Variants in LPAR3 observed in about 807,000 individuals in gnomAD.
The protein encoded by LPAR3 is LPA receptor 3.
A neutral mutation model predicts 17.8 loss-of-function variants in LPAR3; 7 were observed. The ratio of observed to expected loss-of-function variants is 0.39; its 90% CI spans 0.22 to 0.74. LPAR3 has a LOEUF of 0.74. Ranked by LOEUF, LPAR3 falls within the 30% of genes least tolerant of loss-of-function variation. LPAR3 has a pLI of 0.40. For missense variants in LPAR3, 391 were observed against 453.4 expected, an observed-to-expected ratio of 0.86 and a Z score of 1.25; for synonymous variants, 179 against 179.9, an observed-to-expected ratio of 0.99 and a Z score of 0.04.
chr1:84,840,338 G>C (rs1021301650), intron 2 of LPAR3, among the ~76,000 whole-genome samples: 1 of 152,194 alleles, frequency 6.6e-6, no homozygotes, highest in Non-Finnish European at 1.5e-5. Flanking sequence ...AAGATAAAGT[G>C]ACAATTGTCA....
At chr1:84,890,948 G>A (rs1238599358) in intron 1 of LPAR3, among the ~76,000 whole-genome samples, 1 of 152,164 alleles carries the variant, frequency 6.6e-6, no homozygotes, top group African/African-American at 2.4e-5. Context: ...TGCTGTGTGT[G>A]CATTTCTTCC....
At chr1:84,876,270 C>T (rs559174123) in intron 1 of LPAR3, among the ~76,000 whole-genome samples, 2 of 152,272 alleles carry the variant, frequency 1.3e-5, no homozygotes, top group South Asian at 4.1e-4. Flanking sequence ...GAATATAACG[C>T]ACATTTGAAT....
chr1:84,886,878 C>T (rs1238963874), intron 1 of LPAR3, among the ~76,000 whole-genome samples: 1 of 152,132 alleles, frequency 6.6e-6, no homozygotes, highest in Non-Finnish European at 1.5e-5. Flanking sequence ...CAGGAGGCAG[C>T]TCCAAGGGGT....
chr1:84,824,047 C>A (rs369286464), intron 2 of LPAR3, among the ~76,000 whole-genome samples: 1 of 152,244 alleles, frequency 6.6e-6, no homozygotes, highest in East Asian at 1.9e-4. Flanking sequence ...CTGTCATGAG[C>A]ATAGAACAGT....
chr1:84,860,902 C>A (rs1659927898), intron 2 of LPAR3, among the ~76,000 whole-genome samples: 1 of 152,010 alleles, frequency 6.6e-6, no homozygotes, highest in South Asian at 2.1e-4. Context: ...TCAAACCCAG[C>A]TAATTTTTGT....
At chr1:84,833,038 T>C (rs1189987773) in intron 2 of LPAR3, among the ~76,000 whole-genome samples, 1 of 152,224 alleles carries the variant, frequency 6.6e-6, no homozygotes. Flanking sequence ...CTAAGAAAGA[T>C]TAACGCTTAA....
At chr1:84,837,025 A>ATT (rs397775811) in intron 2 of LPAR3, among the ~76,000 whole-genome samples, 15,785 of 141,380 alleles carry the variant, frequency 0.11, 1,215 homozygotes, top group East Asian at 0.22. Context: ...TACTTTATCA[A>ATT]TTTTTTTTTT....
At chr1:84,845,922 CA>C (rs1456499553) in intron 2 of LPAR3, among the ~76,000 whole-genome samples, 6 of 152,270 alleles carry the variant, frequency 3.9e-5, no homozygotes, top group African/African-American at 1.4e-4. Context: ...ACAAGGTACA[CA>C]AACACAGCGA....
At chr1:84,891,600 C>T (rs969387284) in intron 1 of LPAR3, among the ~76,000 whole-genome samples, 1 of 152,176 alleles carries the variant, frequency 6.6e-6, no homozygotes, top group Non-Finnish European at 1.5e-5. Flanking sequence ...AGATCCACTG[C>T]CCATGGAAAG....
chr1:84,857,474 G>A lies in LPAR3; in HGVS notation c.736+7911C>T, dbSNP rs1049922947. Among the ~76,000 whole-genome samples, 41 of 152,130 alleles carry A rather than the reference G, an allele frequency of 2.7e-4. No individual in the cohort carries two copies. The East Asian group carries it at 2.7e-3, about 10-fold the overall frequency. On this transcript the variant is annotated intron_variant, in intron 2 of 2. Transcript: ENST00000370611. Reference sequence around the variant, plus strand: ...CTAGGATTTAAATCCAGTTCCCCCCGCCGACTCCAAAGCCCCTATTCTTAC... The same window carrying A: ...CTAGGATTTAAATCCAGTTCCCCCCACCGACTCCAAAGCCCCTATTCTTAC...
chr1:84,852,565 C>G (rs144034970), intron 2 of LPAR3, among the ~76,000 whole-genome samples: 1 of 152,022 alleles, frequency 6.6e-6, no homozygotes, highest in African/African-American at 2.4e-5. Context: ...CAGGTGTGCA[C>G]GTGACAGCAG....
At chr1:84,886,921 T>C (rs888464042) in intron 1 of LPAR3, among the ~76,000 whole-genome samples, 1 of 152,018 alleles carries the variant, frequency 6.6e-6, no homozygotes, top group Non-Finnish European at 1.5e-5. Flanking sequence ...AATTTGAGCA[T>C]TAAAATAAAA....
intron 2 of LPAR3, among the ~76,000 whole-genome samples, chr1:84,849,484 A>G (rs1659660697): frequency 6.6e-6 from 1 of 152,016 alleles, no homozygotes; most frequent in East Asian, 1.9e-4. Context: ...TGTTCTGGAT[A>G]TAACACTTTT....
intron 1 of LPAR3, among the ~76,000 whole-genome samples, chr1:84,879,787 A>G (rs887298684): frequency 6.6e-6 from 1 of 152,052 alleles, no homozygotes. Flanking sequence ...GTCAGCCCCA[A>G]AACAATGAAG....
intron 1 of LPAR3, among the ~76,000 whole-genome samples, chr1:84,879,462 C>T (rs1660322833): frequency 6.6e-6 from 1 of 151,942 alleles, no homozygotes; most frequent in Non-Finnish European, 1.5e-5. Flanking sequence ...CAGGTGCCCA[C>T]CACCATGCTC....
intron 1 of LPAR3, among the ~76,000 whole-genome samples, chr1:84,878,835 T>G (rs1244261735): frequency 6.6e-6 from 1 of 152,178 alleles, no homozygotes; most frequent in Admixed American, 6.5e-5. Context: ...GCTAGGACCC[T>G]TCACTCTCCC....
intron 2 of LPAR3, among the ~76,000 whole-genome samples, chr1:84,841,306 A>T (rs1431085793): frequency 2.0e-5 from 3 of 152,238 alleles, no homozygotes; most frequent in African/African-American, 7.2e-5. Flanking sequence ...ACGGCCCCTT[A>T]TGACAATTAA....
In LPAR3 at chr1:84,814,035, G is replaced by A; in HGVS notation, c.873C>T (p.Ile291=). 1 of 1,614,182 alleles carries A rather than the reference G, an allele frequency of 6.2e-7. No individual in the cohort carries two copies. Among genetic ancestry groups the A allele is most frequent in the Middle Eastern group, 1.6e-4 (1 of 6,062 alleles). The part of the protein sequence containing the change: ...LALLNSVVNP[I]IYSYKDEDMY... The stretch of plus-strand genomic sequence containing the variant: ...TGTCCTCGTCCTTGTAGGAGTAGAT[G>A]ATGGGGTTCACGACGGAGTTGAGCA... The change falls in exon 3 of 3, where the codon ATC becomes ATT. Residue 291 remains isoleucine, a synonymous_variant. Transcript: ENST00000370611.
chr1:84,827,620 T>C (rs1009472733), intron 2 of LPAR3, among the ~76,000 whole-genome samples: 1 of 152,190 alleles, frequency 6.6e-6, no homozygotes, highest in African/African-American at 2.4e-5. Flanking sequence ...GATGCAGCCA[T>C]ACCCGTGGTC....
Sources: gnomAD v4.1 joint callset for allele counts (sites outside exome capture counted in the v4.1 genomes callset) on GRCh38, gnomAD v4.1.1 for gene constraint, MANE v1.5 for transcripts, NCBI Gene and HGNC (gene_info 2026-07-23, HGNC 2026-07-21) for gene names.